RAB4A: variants seen among roughly 807,000 people sequenced by gnomAD.
The protein encoded by RAB4A is RAB4A, member RAS oncogene family.
Under a neutral mutation model 34.5 loss-of-function variants are expected in RAB4A, and 20 were observed. That is an observed-to-expected ratio of 0.58 (90% confidence interval 0.41 to 0.84). The LOEUF is 0.84. Among genes scored for constraint, RAB4A ranks in the 40% least tolerant of loss-of-function variants. RAB4A has a pLI of 0.00. For synonymous variants in RAB4A, 102 were observed against 100.0 expected (o/e 1.02, Z -0.12); for missense variants, 228 against 274.5 (o/e 0.83, Z 1.20).
At chr1:229,271,395 G>C in intron 1 of RAB4A, 25 bp downstream of exon 1, 10 of 1,217,512 alleles carry the variant, frequency 8.2e-6, no homozygotes, top group Middle Eastern at 6.0e-4. Context: ...CTGGCGGGGC[G>C]CGCGGGTCGG....
intron 4 of RAB4A, 97 bp downstream of exon 4, chr1:229,296,007 G>A: frequency 7.8e-7 from 1 of 1,285,364 alleles, no homozygotes; most frequent in Non-Finnish European, 1.1e-6. Context: ...TGTGCTTTGT[G>A]TGTCCAGGGA....
At chr1:229,280,554 G>T (rs555109383) in intron 1 of RAB4A, among the ~76,000 whole-genome samples, 1 of 152,054 alleles carries the variant, frequency 6.6e-6, no homozygotes, top group African/African-American at 2.4e-5. Context: ...ATAATATCAC[G>T]TATTTTTTTT....
intron 1 of RAB4A, among the ~76,000 whole-genome samples, chr1:229,284,094 G>GTTTTTTTTTTTTTTTTTTTTTTTTGT (rs1656857219): frequency 2.2e-5 from 1 of 45,904 alleles, no homozygotes; most frequent in Non-Finnish European, 3.8e-5. Context: ...GTGTTGTTTG[G>GTTTTTTTTTTTTTTTTTTTTTTTTGT]TTTTTTTTTT....
At chr1:229,271,761 T>C (rs1474824603) in intron 1 of RAB4A, among the ~76,000 whole-genome samples, 3 of 152,240 alleles carry the variant, frequency 2.0e-5, no homozygotes, top group Non-Finnish European at 4.4e-5. Context: ...TGTGAAGGGC[T>C]TAGGGCGACG....
intron 4 of RAB4A, 92 bp from the exon 5 acceptor site, chr1:229,297,390 G>A (rs772235242): frequency 4.3e-5 from 57 of 1,328,336 alleles, no homozygotes; most frequent in Non-Finnish European, 5.8e-5. Context: ...ACCCTGAAAT[G>A]TTGAAAAGCG....
At chr1:229,278,503 A>G (rs1656704595) in intron 1 of RAB4A, among the ~76,000 whole-genome samples, 1 of 152,192 alleles carries the variant, frequency 6.6e-6, no homozygotes, top group Non-Finnish European at 1.5e-5. Flanking sequence ...AGTAGATGTA[A>G]GGAAAAGATG....
At chr1:229,288,903 AT>A in intron 3 of RAB4A, 60 bp downstream of exon 3, 1 of 1,005,766 alleles carries the variant, frequency 9.9e-7, no homozygotes, top group South Asian at 1.4e-5. Flanking sequence ...AATTGATGAT[AT>A]TCTCTCAATA....
chr1:229,271,250 C>A lies in RAB4A; in HGVS notation c.-90C>A, dbSNP rs2102827885. ...GTCGGGCCCCTCCCTCCTCCGGTCC[C>A]CCGCCCCAGGTCCTTCCCCACCGAG... On this transcript the variant is annotated 5_prime_UTR_variant, in exon 1 of 8. Coordinates refer to ENST00000366690, the MANE Select transcript of RAB4A (RefSeq NM_004578.4). 4.1e-6 allele frequency: 5 copies of A among 1,227,260 alleles called. No homozygotes were observed. The East Asian group carries it at 1.7e-4, about 41-fold the overall frequency. 76.0% of individuals were successfully genotyped at this position (1,227,260 alleles called of 1,614,324 possible).
intron 3 of RAB4A, among the ~76,000 whole-genome samples, chr1:229,293,426 C>G (rs1208379410): frequency 6.6e-6 from 1 of 152,248 alleles, no homozygotes; most frequent in Non-Finnish European, 1.5e-5. Context: ...CTCTAGCCTG[C>G]TACTCTTCCC....
intron 1 of RAB4A, among the ~76,000 whole-genome samples, 175 bp downstream of exon 1, chr1:229,271,545 G>T (rs2102828410): frequency 6.6e-6 from 1 of 152,128 alleles, no homozygotes; most frequent in East Asian, 1.9e-4. Flanking sequence ...GGGCCGCTGG[G>T]GGCTCGGGTG....
rs1335053717 is a variant in RAB4A, at chr1:229,304,497, G to T, written c.*704G>T. 3 of 152,074 alleles carry T rather than the reference G, an allele frequency of 2.0e-5. No individual in the cohort carries two copies. Among genetic ancestry groups the T allele is most frequent in the African/African-American group, 4.8e-5 (2 of 41,394 alleles). 9.4% of individuals were successfully genotyped at this position (152,074 alleles called of 1,614,324 possible). A position where few individuals can be genotyped will look rare whatever the true frequency, so the allele number is the denominator to read the frequency against. On this transcript the variant is annotated 3_prime_UTR_variant, in exon 8 of 8. Coordinates refer to ENST00000366690, the MANE Select transcript of RAB4A (RefSeq NM_004578.4). ...ATCTGGAGTACCTGCTCTGTTTTTG[G>T]CTGTGAGACTAGCACTAAGGATTCT...
chr1:229,280,699 A>G (rs556031332), intron 1 of RAB4A, among the ~76,000 whole-genome samples: 1 of 152,338 alleles, frequency 6.6e-6, no homozygotes, highest in East Asian at 1.9e-4. Flanking sequence ...TATCACAACT[A>G]GGATATTGAT....
intron 2 of RAB4A, among the ~76,000 whole-genome samples, chr1:229,288,023 C>T (rs1277858402): frequency 2.0e-5 from 3 of 152,156 alleles, no homozygotes; most frequent in Non-Finnish European, 2.9e-5. Flanking sequence ...TCAAATAGTA[C>T]TAATTTCTCC....
chr1:229,301,720 T>C (rs1657390246), intron 6 of RAB4A, among the ~76,000 whole-genome samples: 1 of 152,130 alleles, frequency 6.6e-6, no homozygotes, highest in African/African-American at 2.4e-5. Context: ...TTTTAATGGG[T>C]AATACATTCA....
chr1:229,288,578 C>A, intron 2 of RAB4A, 151 bp from the exon 3 acceptor site: 1 of 549,364 alleles, frequency 1.8e-6, no homozygotes. Context: ...AAACTAAATG[C>A]ATCTTCTCAA....
Position 229,295,883 on chromosome 1 carries a change from G to C in RAB4A, c.263G>C (p.Gly88Ala), listed in dbSNP as rs1206488700. The change falls in exon 4 of 8, where the codon GGG (glycine) becomes GCG (alanine). Residue 88 changes from glycine to alanine, a missense_variant. Transcript: ENST00000366690. ...VTRSYYRGAAGALLVYDITSR... is the reference protein window; with the variant it reads ...VTRSYYRGAAAALLVYDITSR... ...AGAAGTTATTACCGAGGCGCGGCCG[G>C]GGCTCTCCTCGTCTATGATATCACC... 1.9e-6 allele frequency: 3 copies of C among 1,613,992 alleles called. No homozygotes were observed. The South Asian group carries it at 3.3e-5, about 18-fold the overall frequency.
At chr1:229,292,269 A>G (rs1657109538) in intron 3 of RAB4A, among the ~76,000 whole-genome samples, 1 of 152,206 alleles carries the variant, frequency 6.6e-6, no homozygotes, top group Non-Finnish European at 1.5e-5. Flanking sequence ...ACCTCAAAGT[A>G]GTATTCTTAA....
intron 3 of RAB4A, among the ~76,000 whole-genome samples, chr1:229,295,129 T>C (rs911437841): frequency 6.6e-6 from 1 of 151,960 alleles, no homozygotes; most frequent in Admixed American, 6.6e-5. Context: ...CTGGCTAATT[T>C]TTTGTAGAGA....
rs565498653 is a variant in RAB4A at position 229,271,452 on chromosome 1, G to A, written c.31+82G>A. 169 of 1,116,310 alleles carry A rather than the reference G, an allele frequency of 1.5e-4. No homozygotes were observed. In the African/African-American group the frequency reaches 2.6e-3, roughly 17 times the overall value. 69.2% of individuals were successfully genotyped at this position (1,116,310 alleles called of 1,614,324 possible). A position where few individuals can be genotyped will look rare whatever the true frequency, so the allele number is the denominator to read the frequency against. On this transcript the variant is annotated intron_variant, in intron 1 of 7. Transcript: ENST00000366690. ...GCGGGGCCGGGCCTGGGCTGCGGGGGTCTTGAGGGTGGCGGTGGCGCCGGC... is the reference window on the plus strand; with the variant it reads ...GCGGGGCCGGGCCTGGGCTGCGGGGATCTTGAGGGTGGCGGTGGCGCCGGC...
Sources: gnomAD v4.1 joint callset for allele counts (sites outside exome capture counted in the v4.1 genomes callset) on GRCh38, gnomAD v4.1.1 for gene constraint, MANE v1.5 for transcripts, NCBI Gene and HGNC (gene_info 2026-07-23, HGNC 2026-07-21) for gene names.